Variants in ADAMTS17 observed in about 807,000 individuals in gnomAD.
ADAMTS17 encodes the protein ADAM metallopeptidase with thrombospondin type 1 motif 17.
ADAMTS17 carries 113 observed loss-of-function variants against 141.5 expected under a neutral mutation model. The observed-to-expected ratio is 0.80, with a 90% CI of 0.69 to 0.93. The LOEUF is 0.93. Among genes scored for constraint, ADAMTS17 ranks in the 40% least tolerant of loss-of-function variants. ADAMTS17 has a pLI of 0.00. For synonymous variants in ADAMTS17, 768 were observed against 630.6 expected (o/e 1.22, Z -3.27); for missense variants, 1,659 against 1,517.9 (o/e 1.09, Z -1.54).
intron 18 of ADAMTS17, among the ~76,000 whole-genome samples, chr15:100,027,197 C>T (rs1218070824): frequency 2.6e-5 from 4 of 152,208 alleles, no homozygotes; most frequent in Non-Finnish European, 5.9e-5. Flanking sequence ...GACTTCCACC[C>T]ACTCTCTAAA....
intron 3 of ADAMTS17, chr15:100,306,313 T>C: frequency 2.7e-6 from 1 of 365,058 alleles, no homozygotes; most frequent in Non-Finnish European, 5.4e-6. Context: ...TGCTCTAGGA[T>C]TTCTGAGGCT....
intron 2 of ADAMTS17, among the ~76,000 whole-genome samples, chr15:100,332,378 G>A (rs563596481): frequency 2.6e-4 from 40 of 152,346 alleles, no homozygotes; most frequent in Admixed American, 1.3e-3. Context: ...GAAAACTGCC[G>A]CAGTCAAGAA....
chr15:100,166,319 G>T (rs891288460), intron 8 of ADAMTS17, among the ~76,000 whole-genome samples: 10 of 152,168 alleles, frequency 6.6e-5, no homozygotes, highest in Admixed American at 2.6e-4. Flanking sequence ...TGGCTTTTCA[G>T]ATGATTCTTT....
At chr15:100,041,435 C>T (rs1439878944) in intron 18 of ADAMTS17, among the ~76,000 whole-genome samples, 5 of 152,228 alleles carry the variant, frequency 3.3e-5, no homozygotes, top group African/African-American at 4.8e-5. Flanking sequence ...TGCTCCGGGA[C>T]GTGTCCACTT....
chr15:100,013,416 A>T (rs551292090), intron 18 of ADAMTS17, among the ~76,000 whole-genome samples: 2 of 152,146 alleles, frequency 1.3e-5, no homozygotes, highest in African/African-American at 4.8e-5. Context: ...GACTTCCAGT[A>T]CTATGTTGAA....
At chr15:100,036,078 T>C (rs1160617437) in intron 18 of ADAMTS17, among the ~76,000 whole-genome samples, 1 of 152,134 alleles carries the variant, frequency 6.6e-6, no homozygotes, top group Non-Finnish European at 1.5e-5. Flanking sequence ...GGATGGCTTT[T>C]CTATGAGGCT....
chr15:99,974,524 C>T lies in ADAMTS17; in HGVS notation c.3166G>A (p.Val1056Ile), dbSNP rs1596124830. Reference sequence around the variant, plus strand: ...TTTTCTCGGATGACCCGGCAATATACCGTCCACTGGTCTCGTGTGCATTTG... The same window carrying T: ...TTTTCTCGGATGACCCGGCAATATATCGTCCACTGGTCTCGTGTGCATTTG... ...TYKCTRDQWT[V>I]YCRVIREKNL... The change falls in exon 22 of 22, where the codon GTA becomes ATA. Residue 1056 changes from valine to isoleucine, a missense_variant. Val to Ile is a conservative substitution (Grantham distance 29, BLOSUM62 3). Coordinates refer to ENST00000268070, the MANE Select transcript of ADAMTS17 (RefSeq NM_139057.4). 6.2e-6 allele frequency: 10 copies of T among 1,614,222 alleles called. No homozygotes were observed. In the East Asian group the frequency reaches 2.2e-4, roughly 36 times the overall value.
intron 17 of ADAMTS17, among the ~76,000 whole-genome samples, chr15:100,050,258 C>A (rs954921113): frequency 6.6e-6 from 1 of 152,200 alleles, no homozygotes; most frequent in Non-Finnish European, 1.5e-5. Context: ...AACAGAACAG[C>A]CTGCCCCTGA....
chr15:100,339,658 C>T (rs563892469), intron 2 of ADAMTS17, among the ~76,000 whole-genome samples: 4 of 109,486 alleles, frequency 3.7e-5, no homozygotes, highest in Non-Finnish European at 8.2e-5. Context: ...CATTCCCCGC[C>T]CCAGGTCCAC....
intron 3 of ADAMTS17, among the ~76,000 whole-genome samples, chr15:100,325,528 C>G (rs575208837): frequency 6.6e-6 from 1 of 152,338 alleles, no homozygotes; most frequent in South Asian, 2.1e-4. Flanking sequence ...CTGCCCAATG[C>G]TGGAGGTGGA....
intron 18 of ADAMTS17, among the ~76,000 whole-genome samples, chr15:100,006,828 A>C (rs2061045133): frequency 6.6e-6 from 1 of 152,230 alleles, no homozygotes; most frequent in Non-Finnish European, 1.5e-5. Context: ...GAGACAGGCC[A>C]ATTCCAGGCA....
chr15:100,269,391 T>C (rs2043827102), intron 4 of ADAMTS17, among the ~76,000 whole-genome samples: 1 of 152,254 alleles, frequency 6.6e-6, no homozygotes, highest in Non-Finnish European at 1.5e-5. Flanking sequence ...GCTTCTTTTA[T>C]ACTCTAGCCT....
intron 8 of ADAMTS17, among the ~76,000 whole-genome samples, chr15:100,190,215 C>A (rs1388309011): frequency 6.6e-6 from 1 of 152,246 alleles, no homozygotes. Flanking sequence ...ATTCCCAGAT[C>A]CTCATGCTGG....
At chr15:100,274,130 C>A (rs1325488494) in intron 4 of ADAMTS17, among the ~76,000 whole-genome samples, 1 of 151,942 alleles carries the variant, frequency 6.6e-6, no homozygotes, top group Non-Finnish European at 1.5e-5. Flanking sequence ...TCCCATGTTC[C>A]CTTGAGGAAA....
In ADAMTS17 at chr15:100,286,446, C is replaced by T. The variant is rs867547710; in HGVS notation, c.617-5045G>A. The stretch of plus-strand genomic sequence containing the variant: ...CATCGAAGTGTTGGGGCCAGCAGAC[C>T]GGGAACACCTCAGCCTCTCCAGTGC... On this transcript the variant is annotated intron_variant, in intron 3 of 21. Coordinates refer to ENST00000268070, the MANE Select transcript of ADAMTS17 (RefSeq NM_139057.4). 5.9e-5 allele frequency among the ~76,000 whole-genome samples: 9 copies of T among 152,256 alleles called. 1 individual carries two copies. The highest frequency in any genetic ancestry group is 6.8e-3 in the Middle Eastern group (2 of 294).
intron 3 of ADAMTS17, among the ~76,000 whole-genome samples, chr15:100,285,227 G>T (rs1454432942): frequency 6.6e-6 from 1 of 152,078 alleles, no homozygotes; most frequent in Non-Finnish European, 1.5e-5. Flanking sequence ...AATCCTTCTG[G>T]AACAAGATGA....
At chr15:100,040,721 A>G (rs573588882) in intron 18 of ADAMTS17, among the ~76,000 whole-genome samples, 1 of 151,892 alleles carries the variant, frequency 6.6e-6, no homozygotes, top group South Asian at 2.1e-4. Flanking sequence ...CTTGTCCTCC[A>G]TCTTGAATGT....
In ADAMTS17 at chr15:100,116,990, C is replaced by A. The variant is rs759462850; in HGVS notation, c.1745G>T (p.Cys582Phe). 3 of 1,612,906 alleles carry A rather than the reference C, an allele frequency of 1.9e-6. No individual in the cohort carries two copies. Among genetic ancestry groups the A allele is most frequent in the Admixed American group, 3.3e-5 (2 of 59,862 alleles). ...CGCATGTTCTACACTGGCACCCGGGCAGTGTGTGCCTCCAGGCCCAGGGCT... is the reference window on the plus strand; with the variant it reads ...CGCATGTTCTACACTGGCACCCGGGAAGTGTGTGCCTCCAGGCCCAGGGCT... ...NPPPGPGGTH[C>F]PGASVEHAVC... Residue 582 changes from cysteine to phenylalanine, a missense_variant, in exon 13 of 22, where the codon TGC (cysteine) becomes TTC (phenylalanine). By Grantham distance (205) the Cys-to-Phe change is radical. Transcript: ENST00000268070.
At chr15:100,298,306 T>C (rs1480503343) in intron 3 of ADAMTS17, among the ~76,000 whole-genome samples, 2 of 152,112 alleles carry the variant, frequency 1.3e-5, no homozygotes, top group African/African-American at 4.8e-5. Context: ...CCAGCCACAT[T>C]TGAGGATGTC....
Sources: allele counts gnomAD v4.1 joint callset (sites outside exome capture counted in the v4.1 genomes callset), GRCh38; gene constraint gnomAD v4.1.1; transcripts MANE v1.5; gene names NCBI Gene and HGNC (gene_info 2026-07-23, HGNC 2026-07-21).